MUTYH: variants seen among roughly 807,000 people sequenced by gnomAD.
MUTYH encodes mutY DNA glycosylase, also known as adenine DNA glycosylase.
A neutral mutation model predicts 72.9 loss-of-function variants in MUTYH; 64 were observed. That is an observed-to-expected ratio of 0.88 (90% CI 0.72 to 1.08). The LOEUF (loss-of-function observed/expected upper bound fraction) is 1.08. Ranked by LOEUF, MUTYH falls within the 50% of genes least tolerant of loss-of-function variation. MUTYH has a pLI of 0.00. For missense variants in MUTYH, 633 were observed against 671.0 expected, an observed-to-expected ratio of 0.94 and a Z score of 0.63; for synonymous variants, 234 against 263.1, an observed-to-expected ratio of 0.89 and a Z score of 1.07.
At chr1:45,338,264 C>A in intron 1 of MUTYH, 1 of 533,470 alleles carries the variant, frequency 1.9e-6, no homozygotes, top group Non-Finnish European at 3.6e-6. Flanking sequence ...CTTGCAGGTC[C>A]AGTGATCCGG....
At chr1:45,340,005 C>T (rs568514678), upstream of MUTYH, 18 of 1,538,846 alleles carry the variant, frequency 1.2e-5, no homozygotes, top group Non-Finnish European at 1.4e-5. Flanking sequence ...GCCCGGCTTT[C>T]CGGCGCACTC....
At chr1:45,334,357 C>T (rs763711913) in intron 2 of MUTYH, 34 bp downstream of exon 2, 2 of 1,613,386 alleles carry the variant, frequency 1.2e-6, no homozygotes. Flanking sequence ...CCTTTCATGG[C>T]CAATGAGCCT....
In MUTYH at chr1:45,332,597, T is replaced by C. The variant is rs200872702; in HGVS notation, c.583A>G (p.Ile195Val). 2.0e-4 allele frequency: 324 copies of C among 1,613,986 alleles called. No homozygotes were observed. The highest frequency in any genetic ancestry group is 2.5e-4 in the Non-Finnish European group (291 of 1,180,010). ...PGVGRYTAGA[I>V]ASIAFGQATG... is the part of the protein sequence containing the mutation. ...ACCTGGCCAAAGGCGATAGAGGCAA[T>C]GGCCCCAGCTGTGTAGCGCCCCACG... The change falls in exon 8 of 16, where the codon ATT (isoleucine) becomes GTT (valine). Residue 195 changes from isoleucine to valine, a missense_variant. By Grantham distance (29) the Ile-to-Val change is conservative. Transcript: ENST00000456914.
intron 14 of MUTYH, 129 bp from the exon 15 acceptor site, chr1:45,330,686 A>C: frequency 1.2e-5 from 14 of 1,133,220 alleles, no homozygotes; most frequent in African/African-American, 1.5e-5. Context: ...ATGGTGGCTC[A>C]CGCCTATAAT....
upstream of MUTYH, chr1:45,340,408 T>C: frequency 6.5e-7 from 1 of 1,537,710 alleles, no homozygotes; most frequent in Non-Finnish European, 8.8e-7. Flanking sequence ...AGAGGACTGC[T>C]CCTTCCGCCT....
At chr1:45,337,817 T>C (rs1172382089) in intron 1 of MUTYH, among the ~76,000 whole-genome samples, 1 of 152,194 alleles carries the variant, frequency 6.6e-6, no homozygotes, top group African/African-American at 2.4e-5. Flanking sequence ...CATACTTCAG[T>C]AAATAAAACA....
chr1:45,332,552 T>C (rs773633292), intron 8 of MUTYH, 22 bp downstream of exon 8: 1 of 1,613,718 alleles, frequency 6.2e-7, no homozygotes, highest in Non-Finnish European at 8.5e-7. Flanking sequence ...ACGCACAAAG[T>C]GGGGGTGGGC....
At chr1:45,335,042 T>G (rs1645673251) in intron 1 of MUTYH, among the ~76,000 whole-genome samples, 2 of 152,108 alleles carry the variant, frequency 1.3e-5, no homozygotes, top group South Asian at 4.2e-4. Context: ...AGAACAGAGA[T>G]TAGCTATTTT....
At position 45,331,526 on chromosome 1, in the gene MUTYH, G is replaced by T. The variant is rs559963863; in HGVS notation, c.1133C>A (p.Ser378Tyr). The T allele has an allele frequency of 6.2e-7, 1 of 1,614,084 alleles. No individual in the cohort carries two copies. The highest frequency in any genetic ancestry group is 1.3e-5 in the African/African-American group (1 of 75,066). ...GLLAGLWEFP[S>Y]VTWEPSEQLQ... is the part of the protein sequence containing the mutation. ...CTGCTCTGAGGGCTCCCAGGTCACG[G>T]ACGGGAACTCCCACAGTCCTGCCAG... Residue 378 changes from serine to tyrosine, a missense_variant, in exon 13 of 16, where the codon TCC (serine) becomes TAC (tyrosine). By Grantham distance (144) the Ser-to-Tyr change is moderately radical. Coordinates refer to ENST00000456914, the MANE Select transcript of MUTYH (RefSeq NM_001048174.2).
chr1:45,331,444 G>C lies in MUTYH; in HGVS notation c.1215C>G (p.Ala405=), dbSNP rs1553125605. ...ELQRWAGPLP[A]THLRHLGEVV... is the part of the protein sequence containing the mutation. ...CCTCCCCAAGGTGCCGGAGGTGCGT[G>C]GCTGGGAGGGGCCCAGCCCAACGCT... Residue 405 remains alanine (A), a synonymous_variant, in exon 13 of 16, where the codon GCC becomes GCG. Coordinates refer to ENST00000456914, the MANE Select transcript of MUTYH (RefSeq NM_001048174.2). 2 of 1,614,250 alleles carry C rather than the reference G, an allele frequency of 1.2e-6. No individual in the cohort carries two copies. Among genetic ancestry groups the C allele is most frequent in the South Asian group, 2.2e-5 (2 of 91,090 alleles).
intron 9 of MUTYH, 40 bp from the exon 10 acceptor site, chr1:45,332,350 G>A (rs747567943): frequency 2.5e-6 from 4 of 1,614,108 alleles, no homozygotes; most frequent in South Asian, 1.1e-5. Flanking sequence ...GAGCTCCTTT[G>A]CAGACACCCC....
Position 45,332,041 on chromosome 1 carries a change from G to C in MUTYH, c.895C>G (p.Pro299Ala). The C allele has an allele frequency of 1.2e-6, 2 of 1,614,214 alleles. No homozygotes were observed. Among genetic ancestry groups the C allele is most frequent in the Non-Finnish European group, 1.7e-6 (2 of 1,180,020 alleles). The change falls in exon 11 of 16, where the codon CCT (proline) becomes GCT (alanine). Residue 299 changes from proline to alanine, a missense_variant. By Grantham distance (27) the Pro-to-Ala change is conservative. Coordinates refer to ENST00000456914, the MANE Select transcript of MUTYH (RefSeq NM_001048174.2). ...LLASGSLSGS[P>A]DVEECAPNTG... is the part of the protein sequence containing the mutation. ...TGCTCACCACACTCCTCCACGTCAGGACTGCCCGACAGGCTCCCTGAGGCT... is the reference window on the plus strand; with the variant it reads ...TGCTCACCACACTCCTCCACGTCAGCACTGCCCGACAGGCTCCCTGAGGCT...
At chr1:45,339,845 G>A in intron 1 of MUTYH, 54 bp downstream of exon 1, 8 of 1,336,492 alleles carry the variant, frequency 6.0e-6, no homozygotes, top group Non-Finnish European at 7.9e-6. Flanking sequence ...GCTCAGCTCA[G>A]GCAGCGTCAC....
At chr1:45,336,176 AGTTCG>A (rs1453966354) in intron 1 of MUTYH, among the ~76,000 whole-genome samples, 1 of 152,150 alleles carries the variant, frequency 6.6e-6, no homozygotes, top group African/African-American at 2.4e-5. Context: ...TTCTGGCCAA[AGTTCG>A]GTTTATTTAA....
At chr1:45,333,022 T>C in intron 5 of MUTYH, 63 bp from the exon 6 acceptor site, 1 of 1,613,314 alleles carries the variant, frequency 6.2e-7, no homozygotes, top group Non-Finnish European at 8.5e-7. Context: ...GGAAGCCTTC[T>C]CTACACCCAC....
chr1:45,332,558 T>C lies in MUTYH; in HGVS notation c.606+16A>G, dbSNP rs1466178275. The C allele has an allele frequency of 3.7e-6, 6 of 1,613,704 alleles. No individual in the cohort carries two copies. The highest frequency in any genetic ancestry group is 3.3e-5 in the South Asian group (3 of 91,070). On this transcript the variant is annotated intron_variant, in intron 8 of 15. Coordinates refer to ENST00000456914, the MANE Select transcript of MUTYH (RefSeq NM_001048174.2). Reference sequence around the variant, plus strand: ...AGGCTGGGCACGCACAAAGTGGGGGTGGGCTGTGAGATCACCTGGCCAAAG... The same window carrying C: ...AGGCTGGGCACGCACAAAGTGGGGGCGGGCTGTGAGATCACCTGGCCAAAG...
chr1:45,332,456 C>A lies in MUTYH; in HGVS notation c.639G>T (p.Arg213=), dbSNP rs1339856660. The change falls in exon 9 of 16, where the codon CGG becomes CGT. Residue 213 remains arginine (R), a synonymous_variant. Coordinates refer to ENST00000456914, the MANE Select transcript of MUTYH (RefSeq NM_001048174.2). ...CAATGGCTCGGACACGGCACAGCAC[C>A]CGTGCTACGTTGCCATCCACCACAC... ...ATGVVDGNVA[R]VLCRVRAIGA... 6.2e-7 allele frequency: 1 copy of A among 1,614,138 alleles called. No individual in the cohort carries two copies. Among genetic ancestry groups the A allele is most frequent in the Admixed American group, 1.7e-5 (1 of 60,036 alleles).
At chr1:45,337,023 C>A (rs1645991195) in intron 1 of MUTYH, among the ~76,000 whole-genome samples, 1 of 152,146 alleles carries the variant, frequency 6.6e-6, no homozygotes, top group East Asian at 1.9e-4. Flanking sequence ...CCCTTCATAG[C>A]CAAACTTCCT....
chr1:45,332,686 A>T lies in MUTYH; in HGVS notation c.494T>A (p.Val165Glu). ...GRRLQEGARK[V>E]VEELGGHMPR... ...CATGTGGCCCCCTAGCTCCTCTACC[A>T]CCTGATTGGAGTGCAAGACTCAAGA... Residue 165 changes from valine to glutamate, a missense_variant and splice_region_variant, in exon 8 of 16, where the codon GTG becomes GAG. By Grantham distance (121) the Val-to-Glu change is moderately radical. Transcript: ENST00000456914. The T allele has an allele frequency of 6.2e-7, 1 of 1,614,028 alleles. No individual in the cohort carries two copies. The highest frequency in any genetic ancestry group is 8.5e-7 in the Non-Finnish European group (1 of 1,179,958).
Sources: allele counts gnomAD v4.1 joint callset (sites outside exome capture counted in the v4.1 genomes callset), GRCh38; gene constraint gnomAD v4.1.1; transcripts MANE v1.5; gene names NCBI Gene and HGNC (gene_info 2026-07-23, HGNC 2026-07-21).